The following ENTREP2 variants were observed in gnomAD, a reference collection of about 807,000 sequenced individuals.
ENTREP2 encodes endosomal transmembrane epsin interactor 2.
the ENTREP2 span, among the ~76,000 whole-genome samples, chr15:29,526,453 C>T: frequency 6.6e-6 from 1 of 150,832 alleles, no homozygotes; most frequent in Admixed American, 6.6e-5. Context: ...TCTTAATCTC[C>T]CCCTGTACAG....
the ENTREP2 span, among the ~76,000 whole-genome samples, chr15:29,574,297 T>G: frequency 6.6e-6 from 1 of 151,962 alleles, no homozygotes; most frequent in Admixed American, 6.6e-5. Context: ...TTTGTTTCTT[T>G]GTTTTTGTTT....
chr15:29,303,491 C>T, the ENTREP2 span, among the ~76,000 whole-genome samples: 1 of 151,520 alleles, frequency 6.6e-6, no homozygotes, highest in Admixed American at 6.6e-5. Flanking sequence ...GGTTTAGGGA[C>T]ACATGTTATA....
the ENTREP2 span, among the ~76,000 whole-genome samples, chr15:29,541,778 G>A: frequency 6.6e-6 from 1 of 152,184 alleles, no homozygotes; most frequent in Non-Finnish European, 1.5e-5. Context: ...CACAAGACAG[G>A]TCTGCTGGTG....
chr15:29,199,339 G>A, the ENTREP2 span, among the ~76,000 whole-genome samples: 3 of 152,182 alleles, frequency 2.0e-5, no homozygotes, highest in Non-Finnish European at 4.4e-5. Context: ...GAAAAAAAGG[G>A]AAGATGGGAT....
the ENTREP2 span, among the ~76,000 whole-genome samples, chr15:29,379,413 T>C: frequency 6.6e-6 from 1 of 152,032 alleles, no homozygotes; most frequent in African/African-American, 2.4e-5. Context: ...TACCCTAACC[T>C]CCCTACATAA....
chr15:29,653,553 C>T, the ENTREP2 span, among the ~76,000 whole-genome samples: 7 of 152,120 alleles, frequency 4.6e-5, no homozygotes, highest in East Asian at 1.9e-4. Flanking sequence ...TCATGAGATC[C>T]GATGGTTTGA....
At chr15:29,649,673 C>T in the ENTREP2 span, among the ~76,000 whole-genome samples, 36 of 144,174 alleles carry the variant, frequency 2.5e-4, no homozygotes, top group Middle Eastern at 3.4e-3. Flanking sequence ...TGAGCAAGAT[C>T]GAGCCACTGC....
the ENTREP2 span, among the ~76,000 whole-genome samples, chr15:29,188,008 C>T: frequency 3.3e-5 from 5 of 152,188 alleles, no homozygotes; most frequent in African/African-American, 1.2e-4. Flanking sequence ...CCAGGGATGG[C>T]TGAACAGGTG....
the ENTREP2 span, among the ~76,000 whole-genome samples, chr15:29,348,785 T>C: frequency 6.6e-6 from 1 of 152,226 alleles, no homozygotes; most frequent in South Asian, 2.1e-4. Flanking sequence ...CATGGTGTCA[T>C]ATGAGTAAAA....
the ENTREP2 span, among the ~76,000 whole-genome samples, chr15:29,426,664 T>A: frequency 6.6e-6 from 1 of 152,214 alleles, no homozygotes; most frequent in African/African-American, 2.4e-5. Context: ...TCCGTCTGCC[T>A]CCACTGCACT....
the ENTREP2 span, among the ~76,000 whole-genome samples, chr15:29,430,390 T>C: frequency 6.6e-6 from 1 of 152,170 alleles, no homozygotes; most frequent in Non-Finnish European, 1.5e-5. Context: ...CTCTAGGACG[T>C]GTACTCGCCA....
chr15:29,143,328 A>G, the ENTREP2 span, among the ~76,000 whole-genome samples: 1 of 152,248 alleles, frequency 6.6e-6, no homozygotes, highest in Admixed American at 6.5e-5. Context: ...CAGCACATCA[A>G]TCACAATAGA....
At chr15:29,127,666 C>T in the ENTREP2 span, among the ~76,000 whole-genome samples, 1 of 152,194 alleles carries the variant, frequency 6.6e-6, no homozygotes, top group Non-Finnish European at 1.5e-5. Context: ...CTGCTGGTCC[C>T]TGGGTCAGCT....
the ENTREP2 span, among the ~76,000 whole-genome samples, chr15:29,242,836 G>A: frequency 6.6e-6 from 1 of 152,202 alleles, no homozygotes; most frequent in African/African-American, 2.4e-5. Context: ...CCCTTGCATC[G>A]ATGTCCCACC....
the ENTREP2 span, among the ~76,000 whole-genome samples, chr15:29,500,009 A>G: frequency 6.6e-6 from 1 of 152,200 alleles, no homozygotes; most frequent in Non-Finnish European, 1.5e-5. Context: ...ACAAAGCAGC[A>G]CAATATACAC....
the ENTREP2 span, among the ~76,000 whole-genome samples, chr15:29,215,059 G>A: frequency 2.0e-5 from 3 of 152,170 alleles, no homozygotes; most frequent in Non-Finnish European, 2.9e-5. Context: ...CACGATTACT[G>A]TGTTGCTGTC....
the ENTREP2 span, among the ~76,000 whole-genome samples, chr15:29,419,123 A>T: frequency 6.6e-6 from 1 of 152,248 alleles, no homozygotes; most frequent in South Asian, 2.1e-4. Context: ...ACCAGCTCTG[A>T]GTCAGCACAG....
chr15:29,456,663 A>G, the ENTREP2 span, among the ~76,000 whole-genome samples: 2 of 152,192 alleles, frequency 1.3e-5, no homozygotes, highest in African/African-American at 4.8e-5. Context: ...AACCCTGGAG[A>G]AAATATGTAT....
chr15:29,567,104 C>T, the ENTREP2 span, among the ~76,000 whole-genome samples: 4 of 152,162 alleles, frequency 2.6e-5, no homozygotes, highest in African/African-American at 9.7e-5. Context: ...GACATCTATC[C>T]ACAAGGGAAC....
Sources: gnomAD v4.1 joint callset for allele counts (sites outside exome capture counted in the v4.1 genomes callset) on GRCh38, gnomAD v4.1.1 for gene constraint, MANE v1.5 for transcripts, NCBI Gene and HGNC (gene_info 2026-07-23, HGNC 2026-07-21) for gene names.